POLRMT: variants seen among roughly 807,000 people sequenced by gnomAD.
The protein encoded by POLRMT is RNA polymerase mitochondrial.
Under a neutral mutation model 132.2 loss-of-function variants are expected in POLRMT, and 114 were observed. The ratio of observed to expected loss-of-function variants is 0.86; its 90% CI spans 0.74 to 1.01. POLRMT has a LOEUF of 1.01. Among genes scored for constraint, POLRMT ranks in the 50% least tolerant of loss-of-function variants. The pLI is 0.00. For synonymous variants in POLRMT, 1,020 were observed against 773.4 expected (o/e 1.32, Z -5.29); for missense variants, 2,003 against 1,729.1 (o/e 1.16, Z -2.81).
In POLRMT at chr19:619,081, G is replaced by A. The variant is rs747676631; in HGVS notation, c.3183C>T (p.Ile1061=). 26 of 1,610,938 alleles carry A rather than the reference G, an allele frequency of 1.6e-5. No homozygotes were observed. The highest frequency in any genetic ancestry group is 1.5e-4 in the Admixed American group (9 of 59,428). The part of the protein sequence containing the change: ...QHWLTESARL[I]SHMGSVVEWV... ...ACTCCACCACAGAGCCCATGTGGGA[G>A]ATGAGGCGGGCACTCTCGGTCAGCC... The change falls in exon 15 of 21, where the codon ATC becomes ATT. Residue 1061 remains isoleucine (I), a synonymous_variant. Transcript: ENST00000588649.
chr19:631,655 T>A (rs1985427724), intron 2 of POLRMT, among the ~76,000 whole-genome samples: 1 of 152,046 alleles, frequency 6.6e-6, no homozygotes, highest in African/African-American at 2.4e-5. Flanking sequence ...AAAAAATTGC[T>A]GAAATAAAAA....
chr19:626,912 T>C (rs1054698269), intron 3 of POLRMT, among the ~76,000 whole-genome samples: 1 of 127,298 alleles, frequency 7.9e-6, no homozygotes, highest in Admixed American at 7.5e-5. Context: ...TATATATATA[T>C]ATAAAATAAC....
intron 3 of POLRMT, among the ~76,000 whole-genome samples, chr19:629,247 C>G (rs533995220): frequency 6.6e-6 from 1 of 152,184 alleles, no homozygotes; most frequent in African/African-American, 2.4e-5. Context: ...GAGGGCTCTG[C>G]AGGCTGCCCC....
rs893750381 is a variant in POLRMT, at chr19:620,465, G to A, written c.2663C>T (p.Ala888Val). The change falls in exon 11 of 21, where the codon GCG becomes GTG. Residue 888 changes from alanine (A) to valine (V), a missense_variant. Physicochemically the swap from Ala to Val is moderately conservative, Grantham distance 64 (BLOSUM62 0). Transcript: ENST00000588649. Reference sequence around the variant, plus strand: ...GGCCAGCGTCTGCCAGGGTTCCTCCGCGCCCATCCACCACTTTCGGCCCTG... The same window carrying A: ...GGCCAGCGTCTGCCAGGGTTCCTCCACGCCCATCCACCACTTTCGGCCCTG... ...PLTGRKWWMG[A>V]EEPWQTLACC... 14 of 1,598,304 alleles carry A rather than the reference G, an allele frequency of 8.8e-6. No individual in the cohort carries two copies. The highest frequency in any genetic ancestry group is 5.4e-5 in the African/African-American group (4 of 74,594).
Position 622,133 on chromosome 19 carries a change from G to C in POLRMT, c.1851+16C>G. 6 of 1,532,046 alleles carry C rather than the reference G, an allele frequency of 3.9e-6. No homozygotes were observed. The highest frequency in any genetic ancestry group is 5.3e-6 in the Non-Finnish European group (6 of 1,140,094). 94.9% of individuals were successfully genotyped at this position (1,532,046 alleles called of 1,614,324 possible). The stretch of plus-strand genomic sequence containing the variant: ...CAGCGGGATGCCCCCCAGCTCAGGA[G>C]GGCACTGCCTGGCACCTGCTGGACG... On this transcript the variant is annotated intron_variant, in intron 9 of 20. Transcript: ENST00000588649.
Position 625,224 on chromosome 19 carries a change from A to G in POLRMT, c.853T>C (p.Phe285Leu), listed in dbSNP as rs866728665. Residue 285 changes from phenylalanine (F) to leucine (L), a missense_variant, in exon 4 of 21, where the codon TTC (phenylalanine) becomes CTC (leucine). Phe to Leu is a conservative substitution (Grantham distance 22). Transcript: ENST00000588649. The part of the protein sequence containing the change: ...GAFKELVYVL[F>L]MVKDAGLTPD... ...GTCAAGCCGGCATCCTTCACCATGA[A>G]TAACACATATACCAGCTCCTTGAAG... 1.9e-6 allele frequency: 3 copies of G among 1,614,066 alleles called. No individual in the cohort carries two copies. Among genetic ancestry groups the G allele is most frequent in the East Asian group, 2.2e-5 (1 of 44,878 alleles).
chr19:623,074 G>A, intron 6 of POLRMT, 89 bp from the exon 7 acceptor site: 2 of 1,451,038 alleles, frequency 1.4e-6, no homozygotes, highest in East Asian at 2.4e-5. Context: ...TCCCTGCAGA[G>A]ACCTCATGGC....
rs1048895804 is a variant in POLRMT at position 622,291 on chromosome 19, G to A, written c.1709C>T (p.Pro570Leu). The A allele has an allele frequency of 1.3e-6, 2 of 1,565,754 alleles. No individual in the cohort carries two copies. The highest frequency in any genetic ancestry group is 1.4e-5 in the African/African-American group (1 of 73,782). ...CAGCTTGCCCAGCTCCATCTGCACT[G>A]GCAGGGGCCAGGGCTGCTCCCGCAG... ...EALREQPWPL[P>L]VQMELGKLLA... Residue 570 changes from proline (P) to leucine (L), a missense_variant, in exon 9 of 21, where the codon CCA (proline) becomes CTA (leucine). Pro to Leu is a moderately conservative substitution (Grantham distance 98, BLOSUM62 -3). Coordinates refer to ENST00000588649, the MANE Select transcript of POLRMT (RefSeq NM_005035.4).
rs555398279 is a variant in POLRMT at position 623,305 on chromosome 19, C to T, written c.1290+149G>A. The T allele has an allele frequency of 1.2e-3, 1,645 of 1,361,408 alleles. 3 individuals carry two copies. The highest frequency in any genetic ancestry group is 4.0e-3 in the Middle Eastern group (15 of 3,724). 84.3% of individuals were successfully genotyped at this position (1,361,408 alleles called of 1,614,324 possible). A position where few individuals can be genotyped will look rare whatever the true frequency, so the allele number is the denominator to read the frequency against. Reference sequence around the variant, plus strand: ...CAGACCAGGGCATGAGCAATTCAACCGCATACACGGAGCTCAGCCCCTGCG... The same window carrying T: ...CAGACCAGGGCATGAGCAATTCAACTGCATACACGGAGCTCAGCCCCTGCG... On this transcript the variant is annotated intron_variant, in intron 6 of 20. Coordinates refer to ENST00000588649, the MANE Select transcript of POLRMT (RefSeq NM_005035.4).
rs1236581449 is a variant in POLRMT, at chr19:621,186, G to A, written c.2512C>T (p.Leu838=). ...ACCAGGTGGATCTTGAGCCAATCCA[G>A]GCCGTGCGGGCCGAGCGGGCGGCCC... ...AQGRPLGPHG[L]DWLKIHLVNL... is the part of the protein sequence containing the mutation. The change falls in exon 10 of 21, where the codon CTG becomes TTG. Residue 838 remains leucine, a synonymous_variant. Transcript: ENST00000588649. 6.2e-7 allele frequency: 1 copy of A among 1,610,562 alleles called. No homozygotes were observed. Among genetic ancestry groups the A allele is most frequent in the African/African-American group, 1.3e-5 (1 of 74,768 alleles).
chr19:620,996 G>A, intron 10 of POLRMT, 62 bp downstream of exon 10: 3 of 1,263,302 alleles, frequency 2.4e-6, no homozygotes, highest in South Asian at 3.0e-5. Context: ...GAGGGCGCGG[G>A]GGCGCCGGGG....
chr19:618,915 G>A, intron 15 of POLRMT, 82 bp downstream of exon 15: 1 of 1,353,476 alleles, frequency 7.4e-7, no homozygotes, highest in South Asian at 1.4e-5. Flanking sequence ...CTGGGGTGGT[G>A]GTACGCTGGG....
chr19:620,262 T>C (rs1392030596), intron 11 of POLRMT, 103 bp downstream of exon 11: 2 of 1,459,230 alleles, frequency 1.4e-6, no homozygotes, highest in African/African-American at 1.4e-5. Flanking sequence ...TAGGACCACC[T>C]CCAGAGAATA....
chr19:618,978 G>A lies in POLRMT; in HGVS notation c.3267+19C>T, dbSNP rs772695951. ...CTGGGATGGTGGCACACTGGGGAGGGATGGGGTGGTACACTGACCTTGACC... is the reference window on the plus strand; with the variant it reads ...CTGGGATGGTGGCACACTGGGGAGGAATGGGGTGGTACACTGACCTTGACC... On this transcript the variant is annotated intron_variant, in intron 15 of 20. Coordinates refer to ENST00000588649, the MANE Select transcript of POLRMT (RefSeq NM_005035.4). 5 of 1,539,780 alleles carry A rather than the reference G, an allele frequency of 3.2e-6. No individual in the cohort carries two copies. The highest frequency in any genetic ancestry group is 2.3e-5 in the East Asian group (1 of 43,736).
intron 3 of POLRMT, among the ~76,000 whole-genome samples, chr19:626,277 G>A (rs933046550): frequency 6.6e-6 from 1 of 151,798 alleles, no homozygotes; most frequent in African/African-American, 2.4e-5. Context: ...TCAGCCTCCT[G>A]AGTAGCTGGG....
Position 622,318 on chromosome 19 carries a change from G to A in POLRMT, c.1682C>T (p.Ala561Val), listed in dbSNP as rs940113761. Residue 561 changes from alanine to valine, a missense_variant, in exon 9 of 21, where the codon GCC becomes GTC. Coordinates refer to ENST00000588649, the MANE Select transcript of POLRMT (RefSeq NM_005035.4). ...QYWEELGAPE[A>V]LREQPWPLPV... ...CAGGGGCCAGGGCTGCTCCCGCAGG[G>A]CCTCGGGCGCCCCCAGCTCCTCCCA... is the stretch of plus-strand genomic sequence containing the variant. The A allele has an allele frequency of 3.2e-6, 5 of 1,563,478 alleles. No homozygotes were observed. The highest frequency in any genetic ancestry group is 4.3e-6 in the Non-Finnish European group (5 of 1,155,584).
At chr19:618,018 G>A in intron 17 of POLRMT, 169 bp from the exon 18 acceptor site, 1 of 629,700 alleles carries the variant, frequency 1.6e-6, no homozygotes, top group Non-Finnish European at 2.8e-6. Flanking sequence ...TCCTGGGTTA[G>A]GTATCAGTAC....
At chr19:623,246 G>A (rs942900744) in intron 6 of POLRMT, among the ~76,000 whole-genome samples, 1 of 152,234 alleles carries the variant, frequency 6.6e-6, no homozygotes, top group African/African-American at 2.4e-5. Flanking sequence ...TTCCCTGAGC[G>A]GCAGCCAGGC....
chr19:631,844 C>T (rs895235717), intron 2 of POLRMT, among the ~76,000 whole-genome samples: 2 of 152,078 alleles, frequency 1.3e-5, no homozygotes, highest in African/African-American at 2.4e-5. Flanking sequence ...CGGGTTCAAG[C>T]GATTCTCCTG....
Sources: allele counts gnomAD v4.1 joint callset (sites outside exome capture counted in the v4.1 genomes callset), GRCh38; gene constraint gnomAD v4.1.1; transcripts MANE v1.5; gene names NCBI Gene and HGNC (gene_info 2026-07-23, HGNC 2026-07-21).